The following TRIP12 variants were observed in gnomAD, a reference collection of about 807,000 sequenced individuals.
The protein encoded by TRIP12 is thyroid hormone receptor interactor 12, also known as E3 ubiquitin-protein ligase TRIP12.
A neutral mutation model predicts 244.2 loss-of-function variants in TRIP12; 25 were observed. The observed-to-expected ratio is 0.10, with a 90% confidence interval of 0.07 to 0.14. The LOEUF is 0.14. Among genes scored for constraint, TRIP12 ranks in the 10% least tolerant of loss-of-function variants. The probability of loss-of-function intolerance (pLI) is 1.00; values close to 1 mark genes in which losing one functional copy is unlikely to be tolerated. For missense variants in TRIP12, 1,677 were observed against 2,486.4 expected, an observed-to-expected ratio of 0.67 and a Z score of 6.92; for synonymous variants, 905 against 873.1, an observed-to-expected ratio of 1.04 and a Z score of -0.64.
chr2:229,813,759 G>A (rs2047837023), intron 13 of TRIP12, 111 bp downstream of exon 13: 2 of 771,312 alleles, frequency 2.6e-6, no homozygotes, highest in Admixed American at 4.8e-5. Flanking sequence ...ACTCTAGCCT[G>A]GGTAACAGAG....
intron 1 of TRIP12, among the ~76,000 whole-genome samples, chr2:229,904,398 AGAGT>A (rs1011407407): frequency 3.6e-5 from 5 of 137,776 alleles, no homozygotes; most frequent in Non-Finnish European, 7.6e-5. Context: ...AGCCTGGGAA[AGAGT>A]GAGACTCCAT....
In TRIP12 at chr2:229,768,740, C is replaced by A. The variant is rs766093589; in HGVS notation, c.5904-21G>T. On this transcript the variant is annotated intron_variant, in intron 40 of 41. Coordinates refer to ENST00000675903, the MANE Select transcript of TRIP12 (RefSeq NM_001348323.3). ...CCCGACTATAACAGAAATAAATATA[C>A]CAAAATTATTTCATCAGGTTAAAAT... 3.8e-6 allele frequency: 6 copies of A among 1,578,998 alleles called. No homozygotes were observed. In the Admixed American group the frequency reaches 9.9e-5, roughly 26 times the overall value.
chr2:229,807,940 T>C lies in TRIP12; in HGVS notation c.2340-76A>G, dbSNP rs2046283099. 2.1e-6 allele frequency: 3 copies of C among 1,446,546 alleles called. No homozygotes were observed. In the East Asian group the frequency reaches 7.4e-5, roughly 36 times the overall value. 89.6% of individuals were successfully genotyped at this position (1,446,546 alleles called of 1,614,324 possible). On this transcript the variant is annotated intron_variant, in intron 16 of 41. Transcript: ENST00000675903. Reference sequence around the variant, plus strand: ...ACGTTAGGTCTCTAAAGAAAAATAATCTCACACAAACCAAAAGTTGTATTT... The same window carrying C: ...ACGTTAGGTCTCTAAAGAAAAATAACCTCACACAAACCAAAAGTTGTATTT...
intron 9 of TRIP12, 140 bp downstream of exon 9, chr2:229,818,224 C>A (rs1047220157): frequency 1.3e-5 from 12 of 903,250 alleles, no homozygotes; most frequent in African/African-American, 1.0e-4. Flanking sequence ...GCATGAAATA[C>A]AAGCACCAAG....
chr2:229,821,966 G>T (rs2050163937), intron 8 of TRIP12, among the ~76,000 whole-genome samples: 1 of 152,004 alleles, frequency 6.6e-6, no homozygotes, highest in South Asian at 2.1e-4. Flanking sequence ...ATGGTGAAAC[G>T]CTGTTTCTAC....
At chr2:229,814,521 T>C (rs1179753575) in intron 11 of TRIP12, 196 bp from the exon 12 acceptor site, 5 of 446,626 alleles carry the variant, frequency 1.1e-5, no homozygotes, top group Non-Finnish European at 2.0e-5. Flanking sequence ...TTTGCAGTTC[T>C]AAGATACTGA....
At chr2:229,855,444 G>T (rs1576106102) in intron 4 of TRIP12, among the ~76,000 whole-genome samples, 1 of 151,930 alleles carries the variant, frequency 6.6e-6, no homozygotes, top group Non-Finnish European at 1.5e-5. Context: ...TATGGTGAAT[G>T]ATATGGTATG....
At chr2:229,875,387 A>G (rs1425740754) in intron 2 of TRIP12, among the ~76,000 whole-genome samples, 1 of 152,246 alleles carries the variant, frequency 6.6e-6, no homozygotes, top group African/African-American at 2.4e-5. Context: ...GCAGAGGTTT[A>G]GAAAAAAACA....
At position 229,864,004 on chromosome 2, in the gene TRIP12, A is replaced by AAGAGAGAGAGAG. The variant is rs1163408528; in HGVS notation, c.99-3485_99-3474dup. Among the ~76,000 whole-genome samples, 607 of 80,340 alleles carry AAGAGAGAGAGAG rather than the reference A, an allele frequency of 7.6e-3. 6 individuals carry two copies. The highest frequency in any genetic ancestry group is 9.7e-3 in the South Asian group (22 of 2,268). 52.7% of individuals were successfully genotyped at this position (80,340 alleles called of 152,430 possible). On this transcript the variant is annotated intron_variant, in intron 2 of 41. Transcript: ENST00000675903. ...AATTATAGCCCAAAGATTTGGGTGA[A>AAGAGAGAGAGAG]AGAGAGAGAGAGAGAGAGAGAGAGA...
intron 1 of TRIP12, among the ~76,000 whole-genome samples, chr2:229,892,261 C>T (rs2067543851): frequency 6.6e-6 from 1 of 152,128 alleles, no homozygotes; most frequent in Non-Finnish European, 1.5e-5. Flanking sequence ...TAACAGCTCT[C>T]TGAAGAGACA....
chr2:229,791,747 T>C, intron 29 of TRIP12, 119 bp downstream of exon 29: 1 of 1,022,936 alleles, frequency 9.8e-7, no homozygotes, highest in Non-Finnish European at 1.5e-6. Context: ...AGAACTAAAA[T>C]GTGTGATTTA....
At chr2:229,914,023 T>C (rs974123007) in intron 1 of TRIP12, among the ~76,000 whole-genome samples, 3 of 152,118 alleles carry the variant, frequency 2.0e-5, no homozygotes, top group Non-Finnish European at 1.5e-5. Flanking sequence ...ATCCCAGCAC[T>C]TTGGGAAGCC....
At chr2:229,903,006 T>G (rs1576962349) in intron 1 of TRIP12, among the ~76,000 whole-genome samples, 1 of 7,080 alleles carries the variant, frequency 1.4e-4, no homozygotes, top group Non-Finnish European at 1.4e-3. Context: ...TTTTTTTTCT[T>G]TTTCTTTTTT....
rs749501464 is a variant in TRIP12, at chr2:229,769,280, T to C, written c.5854A>G (p.Lys1952Glu). The C allele has an allele frequency of 6.2e-7, 1 of 1,614,066 alleles. No homozygotes were observed. Among genetic ancestry groups the C allele is most frequent in the Non-Finnish European group, 8.5e-7 (1 of 1,180,004 alleles). Reference sequence around the variant, plus strand: ...GGCCTACAGCATTCCATCAGTGTCTTTGCATCCCAAGTGTCTGCTTTACTG... The same window carrying C: ...GGCCTACAGCATTCCATCAGTGTCTCTGCATCCCAAGTGTCTGCTTTACTG... ...CGSKADTWDA[K>E]TLMECCRPDH... The change falls in exon 40 of 42, where the codon AAG becomes GAG. Residue 1952 changes from lysine (K) to glutamate (E), a missense_variant. Coordinates refer to ENST00000675903, the MANE Select transcript of TRIP12 (RefSeq NM_001348323.3).
chr2:229,860,026 C>T (rs2060205237), intron 3 of TRIP12, among the ~76,000 whole-genome samples: 1 of 152,094 alleles, frequency 6.6e-6, no homozygotes, highest in Non-Finnish European at 1.5e-5. Flanking sequence ...TCAAAGTTAA[C>T]ATTGCTTTCC....
At chr2:229,884,909 G>A (rs1341877297) in intron 1 of TRIP12, among the ~76,000 whole-genome samples, 2 of 152,204 alleles carry the variant, frequency 1.3e-5, no homozygotes, top group Non-Finnish European at 2.9e-5. Flanking sequence ...GGACGAGGCT[G>A]TGGCAGGCCG....
rs185781165 is a variant in TRIP12, at chr2:229,777,237, A to C, written c.5529+78T>G. 9 of 1,459,466 alleles carry C rather than the reference A, an allele frequency of 6.2e-6. No individual in the cohort carries two copies. In the East Asian group the frequency reaches 2.1e-4, roughly 33 times the overall value. 90.4% of individuals were successfully genotyped at this position (1,459,466 alleles called of 1,614,324 possible). Reference sequence around the variant, plus strand: ...AAAACATTAATATAACAACTGAGTCAAATACAAACTATTTAACAAAAGCCT... The same window carrying C: ...AAAACATTAATATAACAACTGAGTCCAATACAAACTATTTAACAAAAGCCT... On this transcript the variant is annotated intron_variant, in intron 37 of 41. Transcript: ENST00000675903.
At chr2:229,848,639 A>T (rs2058063560) in intron 4 of TRIP12, among the ~76,000 whole-genome samples, 1 of 152,146 alleles carries the variant, frequency 6.6e-6, no homozygotes. Context: ...AAACAAGTAC[A>T]CGGTGACCAA....
At chr2:229,865,317 A>C (rs7570200) in intron 2 of TRIP12, among the ~76,000 whole-genome samples, 1 of 23,428 alleles carries the variant, frequency 4.3e-5, no homozygotes, top group Non-Finnish European at 1.4e-4. Context: ...TCTCTCAACT[A>C]CAAAAAAAAA....
Sources: allele counts gnomAD v4.1 joint callset (sites outside exome capture counted in the v4.1 genomes callset), GRCh38; gene constraint gnomAD v4.1.1; transcripts MANE v1.5; gene names NCBI Gene and HGNC (gene_info 2026-07-23, HGNC 2026-07-21).